Variants in SERPINB5 observed in about 807,000 individuals in gnomAD.
SERPINB5 encodes serpin B5.
SERPINB5 carries 27 observed loss-of-function variants against 32.2 expected under a neutral mutation model. The observed-to-expected ratio is 0.84, with a 90% CI of 0.62 to 1.16. The LOEUF (loss-of-function observed/expected upper bound fraction) is 1.16. Among genes scored for constraint, SERPINB5 ranks in the 50% most tolerant of loss-of-function variants. The probability of loss-of-function intolerance (pLI) is 0.00; values close to 1 mark genes in which losing one functional copy is unlikely to be tolerated. For missense variants in SERPINB5, 388 were observed against 436.3 expected (o/e 0.89, Z 0.99); for synonymous variants, 154 against 157.4 (o/e 0.98, Z 0.16).
intron 5 of SERPINB5, chr18:63,497,499 G>GGAAAAAAAA: frequency 1.3e-5 from 3 of 223,696 alleles, no homozygotes; most frequent in East Asian, 8.5e-5. Context: ...CAACGTTTCT[G>GGAAAAAAAA]AAAAAAAAAA....
In SERPINB5 at chr18:63,497,499, G is replaced by GGA. The variant is rs74169971; in HGVS notation, c.568-1621_568-1620insGA. 4.4e-3 allele frequency: 987 copies of GGA among 223,694 alleles called. 18 individuals carry two copies. The highest frequency in any genetic ancestry group is 0.022 in the African/African-American group (894 of 40,376). The allele number at this position is 223,694 out of a possible 1,614,324, so 13.9% of individuals were successfully genotyped here. ...CTTTACCATTGAACACAACGTTTCT[G>GGA]AAAAAAAAAAAAAAAGAGCCAAGCA... On this transcript the variant is annotated intron_variant, in intron 5 of 6. Coordinates refer to ENST00000382771, the MANE Select transcript of SERPINB5 (RefSeq NM_002639.5).
chr18:63,494,189 G>A (rs1454455538), intron 5 of SERPINB5, among the ~76,000 whole-genome samples: 1 of 151,952 alleles, frequency 6.6e-6, no homozygotes, highest in East Asian at 1.9e-4. Flanking sequence ...GGGCATGGTG[G>A]CATGTGCCTG....
At chr18:63,500,950 C>T (rs1909559359) in intron 6 of SERPINB5, among the ~76,000 whole-genome samples, 1 of 152,106 alleles carries the variant, frequency 6.6e-6, no homozygotes, top group Non-Finnish European at 1.5e-5. Context: ...CATTATCCAG[C>T]TGTCTTGGAT....
chr18:63,481,578 T>C (rs1917127980), intron 1 of SERPINB5, among the ~76,000 whole-genome samples: 1 of 152,262 alleles, frequency 6.6e-6, no homozygotes, highest in Non-Finnish European at 1.5e-5. Context: ...TTTAGGCTTC[T>C]CTATTTGGTG....
intron 5 of SERPINB5, 27 bp from the exon 6 acceptor site, chr18:63,499,093 A>C: frequency 7.0e-7 from 1 of 1,423,324 alleles, no homozygotes; most frequent in Admixed American, 2.5e-5. Context: ...ATTGAAAAGT[A>C]AGCAGTCCAA....
intron 2 of SERPINB5, among the ~76,000 whole-genome samples, chr18:63,486,210 T>C (rs1258571507): frequency 6.6e-6 from 1 of 152,166 alleles, no homozygotes; most frequent in Non-Finnish European, 1.5e-5. Context: ...GAAAGGAGGC[T>C]CTGAAGAGTT....
chr18:63,498,330 G>T lies in SERPINB5; in HGVS notation c.568-790G>T, dbSNP rs542008754. Reference sequence around the variant, plus strand: ...GGTCTTGAACTCCTGACCTCAAGTGGTCTCCCAAGGTGCAGGATTACAGGC... The same window carrying T: ...GGTCTTGAACTCCTGACCTCAAGTGTTCTCCCAAGGTGCAGGATTACAGGC... On this transcript the variant is annotated intron_variant, in intron 5 of 6. Coordinates refer to ENST00000382771, the MANE Select transcript of SERPINB5 (RefSeq NM_002639.5). The surrounding 1 kb of genome is among the most constrained non-coding windows in gnomAD (Gnocchi z 4.2). Among the ~76,000 whole-genome samples the T allele has an allele frequency of 2.0e-5, 3 of 152,152 alleles. No individual in the cohort carries two copies. In the South Asian group the frequency reaches 6.2e-4, roughly 32 times the overall value.
Position 63,499,243 on chromosome 18 carries a change from C to G in SERPINB5, c.691C>G (p.Leu231Val), listed in dbSNP as rs753325635. The change falls in exon 6 of 7, where the codon CTA (leucine) becomes GTA (valine). Residue 231 changes from leucine to valine, a missense_variant. Leu to Val is a conservative substitution (Grantham distance 32). Coordinates refer to ENST00000382771, the MANE Select transcript of SERPINB5 (RefSeq NM_002639.5). ...FQNKHLSMFILLPKDVEDEST... is the reference protein window; with the variant it reads ...FQNKHLSMFIVLPKDVEDEST... ...AAATAAGCATCTCAGCATGTTCATCCTACTACCCAAGGATGTGGAGGATGA... is the reference window on the plus strand; with the variant it reads ...AAATAAGCATCTCAGCATGTTCATCGTACTACCCAAGGATGTGGAGGATGA... 1.6e-5 allele frequency: 26 copies of G among 1,598,532 alleles called. No homozygotes were observed. Among genetic ancestry groups the G allele is most frequent in the Non-Finnish European group, 2.1e-5 (25 of 1,171,906 alleles).
At chr18:63,478,107 G>C (rs1461806365) in intron 1 of SERPINB5, among the ~76,000 whole-genome samples, 1 of 152,222 alleles carries the variant, frequency 6.6e-6, no homozygotes, top group Non-Finnish European at 1.5e-5. Flanking sequence ...CATGGGTGGA[G>C]ATGAAGCCTG....
intron 6 of SERPINB5, among the ~76,000 whole-genome samples, chr18:63,499,921 C>G (rs190688237): frequency 1.4e-3 from 208 of 152,222 alleles, no homozygotes; most frequent in African/African-American, 4.7e-3. Context: ...CCCAGGCCTA[C>G]AGTTTCACCT....
intron 5 of SERPINB5, chr18:63,493,518 G>A (rs1407862425): frequency 5.7e-6 from 2 of 352,964 alleles, no homozygotes; most frequent in Admixed American, 8.7e-5. Context: ...TTCCTTATCG[G>A]TTGATAGCGA....
chr18:63,481,164 A>G (rs1917121194), intron 1 of SERPINB5, among the ~76,000 whole-genome samples: 1 of 152,238 alleles, frequency 6.6e-6, no homozygotes, highest in African/African-American at 2.4e-5. Flanking sequence ...TGTGTAATTA[A>G]CTACACTAAA....
At chr18:63,486,056 G>C (rs1368856116) in intron 2 of SERPINB5, 1 of 151,268 alleles carries the variant, frequency 6.6e-6, no homozygotes, top group East Asian at 1.9e-4. Context: ...CCAAATGATA[G>C]TATCCTGGTT....
chr18:63,490,058 G>T (rs1232845542), intron 4 of SERPINB5, among the ~76,000 whole-genome samples: 1 of 152,172 alleles, frequency 6.6e-6, no homozygotes, highest in African/African-American at 2.4e-5. Context: ...CGGGCGTGGT[G>T]GCGGGCGCCT....
intron 5 of SERPINB5, chr18:63,497,413 G>T: frequency 3.8e-6 from 4 of 1,052,368 alleles, no homozygotes; most frequent in South Asian, 1.2e-5. Flanking sequence ...CTCTGTGGGG[G>T]TCACCTGCCT....
intron 1 of SERPINB5, among the ~76,000 whole-genome samples, chr18:63,479,224 A>G (rs1917085877): frequency 6.6e-6 from 1 of 152,210 alleles, no homozygotes; most frequent in Admixed American, 6.5e-5. Flanking sequence ...ACTGTTATCA[A>G]TGTCAAGACA....
chr18:63,495,633 CT>C (rs1568111410), intron 5 of SERPINB5, among the ~76,000 whole-genome samples: 8 of 152,288 alleles, frequency 5.3e-5, no homozygotes, highest in Admixed American at 1.3e-4. Flanking sequence ...AAGGGTCGTA[CT>C]TTTTTCATTA....
intron 3 of SERPINB5, among the ~76,000 whole-genome samples, chr18:63,488,795 A>C (rs1917254563): frequency 6.6e-6 from 1 of 152,148 alleles, no homozygotes; most frequent in African/African-American, 2.4e-5. Flanking sequence ...TCCAACCTTA[A>C]TTTGCAGATG....
At chr18:63,484,739 A>ATTTTTTTTTTTT (rs1474564506) in intron 2 of SERPINB5, 143 bp downstream of exon 2, 17 of 144,818 alleles carry the variant, frequency 1.2e-4, no homozygotes, top group Non-Finnish European at 1.5e-4. Flanking sequence ...GACTCTCTTA[A>ATTTTTTTTTTTT]TCTTTTTTTT....
Sources: gnomAD v4.1 joint callset for allele counts (sites outside exome capture counted in the v4.1 genomes callset) on GRCh38, gnomAD v4.1.1 for gene constraint, Gnocchi (gnomAD v3.1) non-coding constraint, MANE v1.5 for transcripts, NCBI Gene and HGNC (gene_info 2026-07-23, HGNC 2026-07-21) for gene names.